Variants in FHIP1A observed in about 807,000 individuals in gnomAD.
FHIP1A encodes FHF complex subunit HOOK-interacting protein 1A.
Under a neutral mutation model 88.6 loss-of-function variants are expected in FHIP1A, and 61 were observed. The ratio of observed to expected loss-of-function variants is 0.69; its 90% CI spans 0.56 to 0.85. FHIP1A has a LOEUF of 0.85. Ranked by LOEUF, FHIP1A falls within the 40% of genes least tolerant of loss-of-function variation. The pLI is 0.00. For synonymous variants in FHIP1A, 478 were observed against 496.0 expected (o/e 0.96, Z 0.48); for missense variants, 1,154 against 1,273.5 (o/e 0.91, Z 1.43).
At position 151,646,560 on chromosome 4, in the gene FHIP1A, A is replaced by G. The variant is rs377280064; in HGVS notation, c.1229A>G (p.Tyr410Cys). 2.9e-5 allele frequency: 45 copies of G among 1,550,108 alleles called. No individual in the cohort carries two copies. The African/African-American group carries it at 4.1e-4, about 14-fold the overall frequency. The stretch of plus-strand genomic sequence containing the variant: ...GCTTGTTCTTTTTGTCATTCTAGGT[A>G]TCTGATCCCCTGCAATCACATGATG... The part of the protein sequence containing the change: ...EDVMLQLVLR[Y>C]LIPCNHMMLS... The change falls in exon 10 of 14, where the codon TAT (tyrosine) becomes TGT (cysteine). Residue 410 changes from tyrosine to cysteine, a missense_variant and splice_region_variant. Transcript: ENST00000435205.
intron 6 of FHIP1A, among the ~76,000 whole-genome samples, chr4:151,587,446 A>G (rs2126806611): frequency 6.6e-6 from 1 of 152,154 alleles, no homozygotes; most frequent in Middle Eastern, 3.4e-3. Flanking sequence ...TTTTAGTTCC[A>G]TATAGCATAA....
intron 7 of FHIP1A, among the ~76,000 whole-genome samples, chr4:151,598,631 A>T (rs967658539): frequency 1.3e-5 from 2 of 152,170 alleles, no homozygotes; most frequent in African/African-American, 2.4e-5. Flanking sequence ...ACAGAGGTGA[A>T]CCTATTCTCT....
intron 1 of FHIP1A, among the ~76,000 whole-genome samples, chr4:151,441,064 A>G (rs75385430): frequency 0.012 from 1,781 of 152,084 alleles, 28 homozygotes; most frequent in African/African-American, 0.041. Flanking sequence ...AAGCCCCCCT[A>G]TCATGTTTCT....
chr4:151,639,586 C>T (rs975833940), intron 9 of FHIP1A, among the ~76,000 whole-genome samples: 2 of 152,146 alleles, frequency 1.3e-5, no homozygotes, highest in African/African-American at 4.8e-5. Context: ...TACATCTTTC[C>T]TTCTTTTTGG....
intron 1 of FHIP1A, among the ~76,000 whole-genome samples, chr4:151,423,893 C>T (rs560570058): frequency 6.6e-6 from 1 of 152,312 alleles, no homozygotes; most frequent in South Asian, 2.1e-4. Context: ...TGGTCAAACT[C>T]TTCAAGAACC....
chr4:151,624,078 A>G (rs1196583969), intron 7 of FHIP1A, among the ~76,000 whole-genome samples: 1 of 152,178 alleles, frequency 6.6e-6, no homozygotes, highest in African/African-American at 2.4e-5. Flanking sequence ...ATATGTTCCC[A>G]TTGCGAGGAG....
At chr4:151,454,944 T>G (rs893928784) in intron 2 of FHIP1A, 136 bp downstream of exon 2, 1 of 152,166 alleles carries the variant, frequency 6.6e-6, no homozygotes, top group African/African-American at 2.4e-5. Context: ...CTTGGTGGCT[T>G]ACGCTGGCAA....
intron 7 of FHIP1A, among the ~76,000 whole-genome samples, chr4:151,603,918 C>T (rs943354413): frequency 6.6e-6 from 1 of 152,168 alleles, no homozygotes; most frequent in African/African-American, 2.4e-5. Context: ...CTCATTACTG[C>T]AACTTCTTTC....
intron 3 of FHIP1A, among the ~76,000 whole-genome samples, chr4:151,540,824 T>C (rs1732256334): frequency 6.6e-6 from 1 of 152,208 alleles, no homozygotes; most frequent in African/African-American, 2.4e-5. Flanking sequence ...TTCTCAGGGC[T>C]CCAGGAGCAT....
chr4:151,475,362 G>A (rs1359852111), intron 2 of FHIP1A, among the ~76,000 whole-genome samples: 1 of 152,146 alleles, frequency 6.6e-6, no homozygotes, highest in Non-Finnish European at 1.5e-5. Flanking sequence ...GATGACAATT[G>A]CTACAGACAA....
intron 2 of FHIP1A, among the ~76,000 whole-genome samples, chr4:151,461,683 C>T (rs1179562434): frequency 6.6e-6 from 1 of 152,046 alleles, no homozygotes; most frequent in Non-Finnish European, 1.5e-5. Flanking sequence ...ATATTAGCCT[C>T]CAGGGAAATG....
At chr4:151,467,321 A>G (rs950206718) in intron 2 of FHIP1A, among the ~76,000 whole-genome samples, 8 of 152,194 alleles carry the variant, frequency 5.3e-5, no homozygotes, top group African/African-American at 1.9e-4. Context: ...AAGTCAAGAA[A>G]CAACAGTTGC....
At chr4:151,431,371 A>T (rs1420643931) in intron 1 of FHIP1A, among the ~76,000 whole-genome samples, 2 of 152,162 alleles carry the variant, frequency 1.3e-5, no homozygotes, top group Non-Finnish European at 2.9e-5. Context: ...GACTGAGATG[A>T]TGCGCTTACA....
intron 4 of FHIP1A, among the ~76,000 whole-genome samples, chr4:151,571,720 C>G (rs533275195): frequency 6.6e-6 from 1 of 152,132 alleles, no homozygotes; most frequent in Non-Finnish European, 1.5e-5. Flanking sequence ...ACAGTTGGGA[C>G]GTATTAGAGA....
intron 9 of FHIP1A, among the ~76,000 whole-genome samples, chr4:151,640,583 C>T (rs1359030947): frequency 2.0e-5 from 3 of 152,144 alleles, no homozygotes; most frequent in Admixed American, 6.5e-5. Context: ...CCAAAAAAAC[C>T]AGGCTTTTAC....
chr4:151,660,253 G>C lies in FHIP1A; in HGVS notation c.2870-2248G>C, dbSNP rs186986770. 1.7e-3 allele frequency among the ~76,000 whole-genome samples: 253 copies of C among 152,330 alleles called. 1 individual carries two copies. Among genetic ancestry groups the C allele is most frequent in the African/African-American group, 5.9e-3 (244 of 41,570 alleles). ...GCTATGGATCTCCCAGCCAGCCCCT[G>C]GTCTCCCTCACTGGGTGTTCTGCCT... On this transcript the variant is annotated intron_variant, in intron 13 of 13. Coordinates refer to ENST00000435205, the MANE Select transcript of FHIP1A (RefSeq NM_001109977.3).
chr4:151,436,168 C>T (rs762659116), intron 1 of FHIP1A, among the ~76,000 whole-genome samples: 1 of 152,168 alleles, frequency 6.6e-6, no homozygotes, highest in African/African-American at 2.4e-5. Flanking sequence ...GAGCCAATCC[C>T]TGCTCTTCTG....
chr4:151,602,750 GACAAA>G (rs1734922495), intron 7 of FHIP1A, among the ~76,000 whole-genome samples: 1 of 152,164 alleles, frequency 6.6e-6, no homozygotes, highest in Admixed American at 6.5e-5. Flanking sequence ...ATCTGGTGGT[GACAAA>G]ATAATGCCGC....
chr4:151,623,195 TG>T (rs1375005291), intron 7 of FHIP1A, among the ~76,000 whole-genome samples: 2 of 152,234 alleles, frequency 1.3e-5, no homozygotes, highest in African/African-American at 4.8e-5. Context: ...CAGCTTGTCC[TG>T]TGGGATTAGA....
Sources: gnomAD v4.1 joint callset for allele counts (sites outside exome capture counted in the v4.1 genomes callset) on GRCh38, gnomAD v4.1.1 for gene constraint, MANE v1.5 for transcripts, NCBI Gene and HGNC (gene_info 2026-07-23, HGNC 2026-07-21) for gene names.